Variants in CTNNA3 observed in about 807,000 individuals in gnomAD.
The protein encoded by CTNNA3 is catenin alpha-3.
CTNNA3 carries 76 observed loss-of-function variants against 95.7 expected under a neutral mutation model. The observed-to-expected ratio is 0.79, with a 90% CI of 0.66 to 0.96. The LOEUF is 0.96. Ranked by LOEUF, CTNNA3 falls within the 40% of genes least tolerant of loss-of-function variation. The probability of loss-of-function intolerance (pLI) is 0.00; values close to 1 mark genes in which losing one functional copy is unlikely to be tolerated. For missense variants in CTNNA3, 1,191 were observed against 1,089.8 expected (o/e 1.09, Z -1.31); for synonymous variants, 431 against 374.4 (o/e 1.15, Z -1.74).
intron 1 of CTNNA3, among the ~76,000 whole-genome samples, chr10:67,655,981 G>T (rs1223341417): frequency 6.6e-6 from 1 of 152,116 alleles, no homozygotes; most frequent in African/African-American, 2.4e-5. Flanking sequence ...GGCAAGGGAA[G>T]TTTGCCATAC....
At chr10:67,361,023 A>G (rs932947053) in intron 5 of CTNNA3, among the ~76,000 whole-genome samples, 1 of 151,954 alleles carries the variant, frequency 6.6e-6, no homozygotes, top group Non-Finnish European at 1.5e-5. Flanking sequence ...AAAAAAAAAA[A>G]GAACAAAGAA....
rs1161523323 is a variant in CTNNA3 at position 66,967,039 on chromosome 10, T to G, written c.1048-191515A>C. ...TATAAGTTCATAGCGCAAAAAGAAATATTAAGTATAACATAGAACCTGGTA... is the reference window on the plus strand; with the variant it reads ...TATAAGTTCATAGCGCAAAAAGAAAGATTAAGTATAACATAGAACCTGGTA... On this transcript the variant is annotated intron_variant, in intron 7 of 17. Coordinates refer to ENST00000433211, the MANE Select transcript of CTNNA3 (RefSeq NM_013266.4). Among the ~76,000 whole-genome samples the G allele has an allele frequency of 5.4e-4, 82 of 152,046 alleles. 1 individual carries two copies. Among genetic ancestry groups the G allele is most frequent in the Admixed American group, 5.4e-3 (82 of 15,272 alleles).
At chr10:66,431,869 C>A (rs2093299600) in intron 11 of CTNNA3, among the ~76,000 whole-genome samples, 1 of 152,006 alleles carries the variant, frequency 6.6e-6, no homozygotes, top group African/African-American at 2.4e-5. Context: ...GCACGTTGTG[C>A]ACATGTACCC....
At chr10:66,433,047 A>G (rs1008177285) in intron 11 of CTNNA3, among the ~76,000 whole-genome samples, 3 of 152,172 alleles carry the variant, frequency 2.0e-5, no homozygotes, top group Non-Finnish European at 4.4e-5. Context: ...CCAGTCTATC[A>G]TTGATGGGCA....
At chr10:66,220,500 T>A (rs2088864994) in intron 13 of CTNNA3, among the ~76,000 whole-genome samples, 1 of 151,882 alleles carries the variant, frequency 6.6e-6, no homozygotes, top group African/African-American at 2.4e-5. Flanking sequence ...CTGAAGAGGG[T>A]GTGTGATACA....
intron 3 of CTNNA3, among the ~76,000 whole-genome samples, chr10:67,597,466 G>A (rs1842963666): frequency 6.6e-6 from 1 of 152,158 alleles, no homozygotes; most frequent in South Asian, 2.1e-4. Flanking sequence ...GCCCTTGGTG[G>A]TTTGACTGTG....
chr10:67,744,075 G>T (rs922035250), intron 1 of CTNNA3, among the ~76,000 whole-genome samples: 2 of 151,184 alleles, frequency 1.3e-5, no homozygotes, highest in Non-Finnish European at 3.0e-5. Context: ...TGGCCATACT[G>T]CCCAAGGTAA....
chr10:67,474,169 G>C (rs1332575805), intron 5 of CTNNA3, among the ~76,000 whole-genome samples: 1 of 151,982 alleles, frequency 6.6e-6, no homozygotes, highest in African/African-American at 2.4e-5. Flanking sequence ...TATACTTCAG[G>C]TATATGCAAA....
intron 15 of CTNNA3, among the ~76,000 whole-genome samples, chr10:66,051,522 G>A (rs937926752): frequency 6.6e-6 from 1 of 152,050 alleles, no homozygotes; most frequent in Non-Finnish European, 1.5e-5. Flanking sequence ...AAATAATTCA[G>A]CTTATTTTTC....
At chr10:66,700,866 C>T (rs760251926) in intron 9 of CTNNA3, among the ~76,000 whole-genome samples, 7 of 152,068 alleles carry the variant, frequency 4.6e-5, no homozygotes, top group Admixed American at 6.6e-5. Context: ...ATTCTCACAT[C>T]GGAAGAAAGT....
chr10:66,030,289 C>A (rs546740019), intron 15 of CTNNA3, among the ~76,000 whole-genome samples: 11 of 152,170 alleles, frequency 7.2e-5, no homozygotes, highest in African/African-American at 2.2e-4. Flanking sequence ...AAGAACAAAG[C>A]AGAAAACATC....
At chr10:66,244,991 C>T (rs1172802537) in intron 13 of CTNNA3, among the ~76,000 whole-genome samples, 3 of 152,162 alleles carry the variant, frequency 2.0e-5, no homozygotes, top group East Asian at 1.9e-4. Flanking sequence ...TGCCTGGTGG[C>T]GCCTTTGCCC....
In CTNNA3 at chr10:67,460,229, C is replaced by A. The variant is rs552109614; in HGVS notation, c.579+61613G>T. 3.9e-5 allele frequency among the ~76,000 whole-genome samples: 6 copies of A among 152,202 alleles called. No individual in the cohort carries two copies. The East Asian group carries it at 9.7e-4, about 24-fold the overall frequency. ...TTTCATTCTAACTGTTGAATTAGAG[C>A]TTTGACTTCCAGATATAGGGCCACT... is the stretch of plus-strand genomic sequence containing the variant. On this transcript the variant is annotated intron_variant, in intron 5 of 17. Transcript: ENST00000433211.
intron 7 of CTNNA3, among the ~76,000 whole-genome samples, chr10:67,029,346 C>A (rs1338168069): frequency 6.6e-6 from 1 of 152,092 alleles, no homozygotes; most frequent in African/African-American, 2.4e-5. Flanking sequence ...CAAATAGGGT[C>A]ATGGATATTT....
At chr10:66,844,887 A>G (rs1843191797) in intron 7 of CTNNA3, among the ~76,000 whole-genome samples, 1 of 152,194 alleles carries the variant, frequency 6.6e-6, no homozygotes. Context: ...CTTCCTTCTA[A>G]TTGATATATT....
At position 66,379,356 on chromosome 10, in the gene CTNNA3, TAA is replaced by T. The variant is rs1265789530; in HGVS notation, c.1532-6_1532-5del. The T allele has an allele frequency of 6.2e-7, 1 of 1,611,858 alleles. No individual in the cohort carries two copies. The highest frequency in any genetic ancestry group is 8.5e-7 in the Non-Finnish European group (1 of 1,178,006). ...ACATCTTCCAAGATATGGCTTTCTG[TAA>T]GTAAATGAATCAAATTAGTTTTTGC... On this transcript the variant is annotated splice_region_variant and splice_polypyrimidine_tract_variant and intron_variant, in intron 11 of 17. Coordinates refer to ENST00000433211, the MANE Select transcript of CTNNA3 (RefSeq NM_013266.4).
chr10:67,237,369 G>C (rs1865534172), intron 5 of CTNNA3, among the ~76,000 whole-genome samples: 1 of 151,032 alleles, frequency 6.6e-6, no homozygotes, highest in Non-Finnish European at 1.5e-5. Flanking sequence ...AATGGACTTT[G>C]GGGACTTGGG....
In CTNNA3 at chr10:67,751,357, C is replaced by T. The variant is rs550812440; in HGVS notation, c.-2+12077G>A. 728 of 636,494 alleles carry T rather than the reference C, an allele frequency of 1.1e-3. 2 individuals are homozygous for T. Among genetic ancestry groups the T allele is most frequent in the Non-Finnish European group, 1.7e-3 (571 of 345,932 alleles). The allele number at this position is 636,494 out of a possible 1,614,324, so 39.4% of individuals were successfully genotyped here. Reference sequence around the variant, plus strand: ...ACAGTGACTTCGTCCTGTTGCAGGCCAGAATCAAGGTGCTGTTTTAGACAT... The same window carrying T: ...ACAGTGACTTCGTCCTGTTGCAGGCTAGAATCAAGGTGCTGTTTTAGACAT... On this transcript the variant is annotated intron_variant, in intron 1 of 17. Coordinates refer to the CTNNA3 transcript ENST00000684154.
At chr10:66,690,004 C>A (rs978375688) in intron 9 of CTNNA3, among the ~76,000 whole-genome samples, 1 of 152,008 alleles carries the variant, frequency 6.6e-6, no homozygotes, top group Non-Finnish European at 1.5e-5. Context: ...AAGAGGATAG[C>A]AATGAAACTG....
Sources: gnomAD v4.1 joint callset for allele counts (sites outside exome capture counted in the v4.1 genomes callset) on GRCh38, gnomAD v4.1.1 for gene constraint, MANE v1.5 for transcripts, NCBI Gene and HGNC (gene_info 2026-07-23, HGNC 2026-07-21) for gene names.